The following OXR1 variants were observed in gnomAD, a reference collection of about 807,000 sequenced individuals.
The protein encoded by OXR1 is oxidation resistance protein 1.
Under a neutral mutation model 104.6 loss-of-function variants are expected in OXR1, and 41 were observed. The observed-to-expected ratio is 0.39, with a 90% CI of 0.31 to 0.51. The LOEUF is 0.51. OXR1 is among the 20% of genes least tolerant of loss of function. The pLI, the probability that OXR1 is intolerant of heterozygous loss-of-function variation, is 0.77. For missense variants in OXR1, 955 were observed against 1,031.9 expected, an observed-to-expected ratio of 0.93 and a Z score of 1.02; for synonymous variants, 348 against 348.4, an observed-to-expected ratio of 1.00 and a Z score of 0.01.
intron 2 of OXR1, among the ~76,000 whole-genome samples, chr8:106,373,938 T>C (rs983346773): frequency 6.6e-6 from 1 of 152,228 alleles, no homozygotes; most frequent in East Asian, 1.9e-4. Flanking sequence ...AGTTTGGAAT[T>C]ACTGATGTAA....
intron 11 of OXR1, chr8:106,725,921 A>G (rs980336405): frequency 1.2e-5 from 3 of 248,098 alleles, no homozygotes. Context: ...ATATTCATGT[A>G]CTGATGTTTG....
intron 2 of OXR1, among the ~76,000 whole-genome samples, chr8:106,439,102 C>T (rs746777934): frequency 4.6e-5 from 7 of 151,800 alleles, no homozygotes; most frequent in Non-Finnish European, 1.0e-4. Flanking sequence ...TTTGTTACTG[C>T]TATGGACCGA....
At chr8:106,548,185 C>CTATGAA (rs1273216437) in intron 3 of OXR1, among the ~76,000 whole-genome samples, 5 of 152,158 alleles carry the variant, frequency 3.3e-5, no homozygotes, top group South Asian at 2.1e-4. Flanking sequence ...GTGGGAAATG[C>CTATGAA]TATGAATCTT....
Position 106,617,954 on chromosome 8 carries a change from A to G in OXR1, c.221-61256A>G, listed in dbSNP as rs138791213. The G allele has an allele frequency of 2.7e-5, 25 of 920,728 alleles. No individual in the cohort carries two copies. The East Asian group carries it at 2.9e-3, about 108-fold the overall frequency. 57.0% of individuals were successfully genotyped at this position (920,728 alleles called of 1,614,324 possible). On this transcript the variant is annotated intron_variant, in intron 3 of 16. Coordinates refer to ENST00000517566, the MANE Select transcript of OXR1 (RefSeq NM_001198533.2). ...AAGAGCAAGTCCACAGTCACAGGGC[A>G]GGTACAGTGAGTTTCCTGTGTGCAG...
intron 3 of OXR1, among the ~76,000 whole-genome samples, chr8:106,617,392 G>A (rs1374490183): frequency 6.6e-6 from 1 of 152,048 alleles, no homozygotes; most frequent in African/African-American, 2.4e-5. Flanking sequence ...TGGCGCCACT[G>A]TACTCCAGCC....
intron 2 of OXR1, among the ~76,000 whole-genome samples, chr8:106,477,615 C>G (rs1821878459): frequency 6.6e-6 from 1 of 151,834 alleles, no homozygotes; most frequent in South Asian, 2.1e-4. Context: ...GCATTTGTGA[C>G]ATACCTTTTT....
chr8:106,586,919 T>TA (rs941724553), intron 3 of OXR1, among the ~76,000 whole-genome samples: 2 of 152,138 alleles, frequency 1.3e-5, no homozygotes, highest in Non-Finnish European at 2.9e-5. Context: ...GAATGGATTT[T>TA]AAAAAGAGCA....
intron 3 of OXR1, among the ~76,000 whole-genome samples, chr8:106,640,083 C>T (rs11994815): frequency 0.18 from 27,426 of 151,998 alleles, 2,639 homozygotes; most frequent in East Asian, 0.39. Flanking sequence ...TGATTTTTAG[C>T]AAGGCAAAGT....
chr8:106,644,821 G>A (rs943385994), intron 3 of OXR1, among the ~76,000 whole-genome samples: 28 of 152,144 alleles, frequency 1.8e-4, no homozygotes, highest in Admixed American at 3.3e-4. Context: ...GTAGCAGGCC[G>A]CAAACGTGGC....
chr8:106,689,381 T>G (rs1267772325), intron 6 of OXR1, among the ~76,000 whole-genome samples: 16 of 152,102 alleles, frequency 1.1e-4, no homozygotes, highest in Admixed American at 1.0e-3. Context: ...ACCCTACTCA[T>G]GTATGACCTT....
Position 106,390,739 on chromosome 8 carries a change from T to C in OXR1, c.23+31103T>C, listed in dbSNP as rs191162128. ...AAAACAGATGTTAATTTGGTAATGGTAATAATAGTAAAATAATTTATAATT... is the reference window on the plus strand; with the variant it reads ...AAAACAGATGTTAATTTGGTAATGGCAATAATAGTAAAATAATTTATAATT... On this transcript the variant is annotated intron_variant, in intron 2 of 16. Coordinates refer to ENST00000517566, the MANE Select transcript of OXR1 (RefSeq NM_001198533.2). Among the ~76,000 whole-genome samples the C allele has an allele frequency of 9.9e-5, 15 of 152,262 alleles. No homozygotes were observed. The East Asian group carries it at 2.9e-3, about 29-fold the overall frequency.
rs528610357 is a variant in OXR1, at chr8:106,303,759, G to A, written c.-139+33392G>A. On this transcript the variant is annotated intron_variant, in intron 1 of 16. Transcript: ENST00000517566. ...TAACTAAATATTTTAAAATTGGTGT[G>A]GCTTCCTTTCCAATACCCTTCAGGT... 1.2e-4 allele frequency among the ~76,000 whole-genome samples: 19 copies of A among 152,150 alleles called. 1 individual carries two copies. The highest frequency in any genetic ancestry group is 3.4e-3 in the Middle Eastern group (1 of 294).
chr8:106,662,696 A>C (rs776139599), intron 3 of OXR1, among the ~76,000 whole-genome samples: 9 of 152,190 alleles, frequency 5.9e-5, no homozygotes, highest in Non-Finnish European at 1.2e-4. Context: ...CATTGGACAA[A>C]GAATTTATAA....
intron 2 of OXR1, among the ~76,000 whole-genome samples, chr8:106,404,336 T>C (rs544773772): frequency 6.6e-6 from 1 of 152,292 alleles, no homozygotes; most frequent in South Asian, 2.1e-4. Context: ...AGAGTTTTCC[T>C]ACATATCTCC....
At position 106,707,007 on chromosome 8, in the gene OXR1, C is replaced by A. The variant is rs1295044822; in HGVS notation, c.1486C>A (p.Gln496Lys). The part of the protein sequence containing the change: ...KQGKEQNQDS[Q>K]TEAEELRKLW... ...AGGAAAGGAGCAAAATCAGGACTCACAGACAGAGGCAGAAGAGCTACGCAA... is the reference window on the plus strand; with the variant it reads ...AGGAAAGGAGCAAAATCAGGACTCAAAGACAGAGGCAGAAGAGCTACGCAA... The change falls in exon 9 of 17, where the codon CAG (glutamine) becomes AAG (lysine). Residue 496 changes from glutamine (Q) to lysine (K), a missense_variant. Gln to Lys is a moderately conservative substitution (Grantham distance 53). This residue lies in a region of OXR1 where 849 missense variants were observed against 852.9 expected (regional missense o/e 1.00). Transcript: ENST00000517566. 4.3e-6 allele frequency: 7 copies of A among 1,613,678 alleles called. No homozygotes were observed. The highest frequency in any genetic ancestry group is 1.7e-5 in the Admixed American group (1 of 59,874).
intron 1 of OXR1, among the ~76,000 whole-genome samples, chr8:106,310,610 A>G (rs1364020555): frequency 2.0e-5 from 3 of 152,204 alleles, no homozygotes; most frequent in Non-Finnish European, 4.4e-5. Context: ...GAGAGTATAC[A>G]TTTGTGAGAT....
At chr8:106,508,185 A>G (rs1411031978) in intron 2 of OXR1, among the ~76,000 whole-genome samples, 1 of 152,154 alleles carries the variant, frequency 6.6e-6, no homozygotes, top group South Asian at 2.1e-4. Context: ...AGGGAATGCA[A>G]TTAGGTTTAG....
intron 14 of OXR1, among the ~76,000 whole-genome samples, chr8:106,741,239 C>T (rs886707153): frequency 6.6e-6 from 1 of 152,134 alleles, no homozygotes; most frequent in African/African-American, 2.4e-5. Flanking sequence ...ATGAATGTCA[C>T]AAACATAATA....
At chr8:106,324,799 T>C (rs966870008) in intron 1 of OXR1, among the ~76,000 whole-genome samples, 5 of 152,076 alleles carry the variant, frequency 3.3e-5, no homozygotes, top group Non-Finnish European at 7.4e-5. Context: ...CTGCAAAGGG[T>C]CAGGTAATAA....
Sources: allele counts gnomAD v4.1 joint callset (sites outside exome capture counted in the v4.1 genomes callset), GRCh38; gene constraint gnomAD v4.1.1; regional missense constraint gnomAD v4.1.1; transcripts MANE v1.5; gene names NCBI Gene and HGNC (gene_info 2026-07-23, HGNC 2026-07-21).